NAV3: variants seen among roughly 807,000 people sequenced by gnomAD.
The protein encoded by NAV3 is neuron navigator 3, also known as pore membrane and/or filament interacting like protein 1.
NAV3 carries 87 observed loss-of-function variants against 244.7 expected under a neutral mutation model. The ratio of observed to expected loss-of-function variants is 0.36; its 90% CI spans 0.30 to 0.42. The LOEUF (loss-of-function observed/expected upper bound fraction) is 0.42, where lower values mean the gene tolerates loss of function less well. NAV3 is among the 20% of genes least tolerant of loss of function. The pLI is 1.00. For synonymous variants in NAV3, 1,126 were observed against 1,042.2 expected (o/e 1.08, Z -1.55); for missense variants, 2,663 against 2,893.3 (o/e 0.92, Z 1.83).
chr12:77,729,561 G>C (rs1443295551), intron 2 of NAV3, among the ~76,000 whole-genome samples: 1 of 151,950 alleles, frequency 6.6e-6, no homozygotes, highest in Non-Finnish European at 1.5e-5. Flanking sequence ...GGTGATCAGA[G>C]CATAGGAAGC....
In NAV3 at chr12:77,642,254, C is replaced by T. The variant is rs185075472; in HGVS notation, c.72+69988C>T. ...CATGATCTGTGATGTCTTTGTCTCC[C>T]AAGAGCTCAGTGTTTTAAAAATCTT... is the stretch of plus-strand genomic sequence containing the variant. On this transcript the variant is annotated intron_variant, in intron 2 of 8. Transcript: ENST00000550042. Among the ~76,000 whole-genome samples the T allele has an allele frequency of 1.3e-3, 200 of 152,118 alleles. 1 individual carries two copies. Among genetic ancestry groups the T allele is most frequent in the African/African-American group, 4.2e-3 (176 of 41,514 alleles).
At chr12:78,112,159 T>C (rs981519787) in intron 12 of NAV3, among the ~76,000 whole-genome samples, 3 of 152,204 alleles carry the variant, frequency 2.0e-5, no homozygotes, top group Non-Finnish European at 4.4e-5. Flanking sequence ...CCCATGCTGA[T>C]AGAAAACAAC....
chr12:78,000,105 T>A (rs1334059946), intron 7 of NAV3, among the ~76,000 whole-genome samples: 1 of 152,230 alleles, frequency 6.6e-6, no homozygotes, highest in Non-Finnish European at 1.5e-5. Flanking sequence ...TTCTGGCATC[T>A]ATTAGTAAAA....
chr12:78,165,137 A>G (rs2139495250), intron 23 of NAV3, among the ~76,000 whole-genome samples: 1 of 152,180 alleles, frequency 6.6e-6, no homozygotes, highest in South Asian at 2.1e-4. Context: ...GTGGAAAACT[A>G]GAACTTTACA....
rs778019630 is a variant in NAV3, at chr12:78,128,661, G to T, written c.4281-45G>T. ...TGTTTTCCTGTCCTGGCATTGCCTT[G>T]CCCTTGTAGATGTGCTTAAGTGTCA... On this transcript the variant is annotated intron_variant, in intron 17 of 39. Transcript: ENST00000397909. 21 of 1,576,590 alleles carry T rather than the reference G, an allele frequency of 1.3e-5. No individual in the cohort carries two copies. In the Admixed American group the frequency reaches 3.6e-4, roughly 27 times the overall value.
intron 1 of NAV3, among the ~76,000 whole-genome samples, chr12:77,837,934 G>C (rs1290442282): frequency 6.6e-6 from 1 of 152,144 alleles, no homozygotes; most frequent in African/African-American, 2.4e-5. Context: ...TAGATCACTG[G>C]CTCTGGCCTC....
upstream of NAV3, among the ~76,000 whole-genome samples, chr12:77,828,783 A>G (rs963689801): frequency 6.6e-6 from 1 of 152,208 alleles, no homozygotes; most frequent in African/African-American, 2.4e-5. Flanking sequence ...TGCAAAAGGT[A>G]TTTCAAAGTG....
intron 12 of NAV3, among the ~76,000 whole-genome samples, chr12:78,109,809 G>T (rs1256152269): frequency 6.6e-6 from 1 of 151,498 alleles, no homozygotes; most frequent in East Asian, 1.9e-4. Context: ...TATAATAAAG[G>T]CCATATGTGA....
At chr12:77,880,469 C>G (rs1045742486) in intron 1 of NAV3, among the ~76,000 whole-genome samples, 8 of 152,070 alleles carry the variant, frequency 5.3e-5, no homozygotes, top group Admixed American at 2.0e-4. Context: ...TGTTGTATTG[C>G]TCAGACTAAT....
At chr12:77,755,643 TTCCTTCCTTCCTTCCA>T (rs1160574122) in intron 2 of NAV3, among the ~76,000 whole-genome samples, 3 of 134,054 alleles carry the variant, frequency 2.2e-5, no homozygotes, top group Non-Finnish European at 4.7e-5. Context: ...CCTTCCTTCC[TTCCTTCCTTCCTTCCA>T]CTCTCTCTCT....
chr12:77,876,269 A>C (rs1017990588), intron 1 of NAV3, among the ~76,000 whole-genome samples: 3 of 152,046 alleles, frequency 2.0e-5, no homozygotes, highest in Non-Finnish European at 4.4e-5. Flanking sequence ...CACTTCTCCA[A>C]TACTGAAAAG....
intron 5 of NAV3, among the ~76,000 whole-genome samples, chr12:77,985,529 T>A (rs1870344076): frequency 1.3e-5 from 2 of 152,260 alleles, no homozygotes; most frequent in South Asian, 4.1e-4. Flanking sequence ...ATTAGTCACT[T>A]CTGAATATCC....
intron 2 of NAV3, among the ~76,000 whole-genome samples, chr12:77,620,543 A>G (rs1002156430): frequency 1.3e-5 from 2 of 151,948 alleles, no homozygotes; most frequent in Admixed American, 6.6e-5. Context: ...GCTCACTGCA[A>G]TCTCCACCTC....
rs371674111 is a variant in NAV3 at position 77,728,844 on chromosome 12, C to T, written c.72+156578C>T. ...AGTGTACCTGCCTCTTCTCCTGGCT[C>T]CCCTTCTACCCGCTTCACTTCTGCC... On this transcript the variant is annotated intron_variant, in intron 2 of 8. Coordinates refer to the NAV3 transcript ENST00000550042. Among the ~76,000 whole-genome samples, 8 of 70,666 alleles carry T rather than the reference C, an allele frequency of 1.1e-4. No individual in the cohort carries two copies. In the East Asian group the frequency reaches 1.6e-3, roughly 14 times the overall value. 46.4% of individuals were successfully genotyped at this position (70,666 alleles called of 152,430 possible).
At chr12:78,082,247 C>G (rs1160155443) in intron 12 of NAV3, among the ~76,000 whole-genome samples, 1 of 152,118 alleles carries the variant, frequency 6.6e-6, no homozygotes, top group Non-Finnish European at 1.5e-5. Flanking sequence ...TATAAATTAC[C>G]CAGTCTCAGG....
intron 1 of NAV3, among the ~76,000 whole-genome samples, chr12:77,838,764 TA>T (rs1385870370): frequency 4.6e-5 from 7 of 152,336 alleles, no homozygotes; most frequent in Admixed American, 4.6e-4. Flanking sequence ...GTGGTATAAT[TA>T]AAAGAATATT....
chr12:77,571,911 A>C (rs1157847957), exon 2 of NAV3: 1 of 152,204 alleles, frequency 6.6e-6, no homozygotes, highest in Non-Finnish European at 1.5e-5. Context: ...TGAAGAAAGA[A>C]AAAGATAGCA....
intron 26 of NAV3, among the ~76,000 whole-genome samples, chr12:78,176,925 A>G (rs1013853503): frequency 6.6e-6 from 1 of 151,994 alleles, no homozygotes; most frequent in Non-Finnish European, 1.5e-5. Flanking sequence ...AAAGCCTTCC[A>G]TGTTTGCGCT....
Position 77,622,075 on chromosome 12 carries a change from G to T in NAV3, c.72+49809G>T, listed in dbSNP as rs186921010. Reference sequence around the variant, plus strand: ...AGCAAAGTACTTGCCCCAGTTATTTGTATTATTTCATTATACTGATGAGAA... The same window carrying T: ...AGCAAAGTACTTGCCCCAGTTATTTTTATTATTTCATTATACTGATGAGAA... On this transcript the variant is annotated intron_variant, in intron 2 of 8. Coordinates refer to the NAV3 transcript ENST00000550042. Among the ~76,000 whole-genome samples, 30 of 152,218 alleles carry T rather than the reference G, an allele frequency of 2.0e-4. 1 individual carries two copies. Among genetic ancestry groups the T allele is most frequent in the African/African-American group, 6.7e-4 (28 of 41,536 alleles).
Sources: gnomAD v4.1 joint callset for allele counts (sites outside exome capture counted in the v4.1 genomes callset) on GRCh38, gnomAD v4.1.1 for gene constraint, MANE v1.5 for transcripts, NCBI Gene and HGNC (gene_info 2026-07-23, HGNC 2026-07-21) for gene names.